The following NFKBIZ variants were observed in gnomAD, a reference collection of about 807,000 sequenced individuals.
NFKBIZ encodes the protein NF-kappa-B inhibitor zeta.
A neutral mutation model predicts 76.8 loss-of-function variants in NFKBIZ; 19 were observed. That is an observed-to-expected ratio of 0.25 (90% CI 0.17 to 0.36). The LOEUF (loss-of-function observed/expected upper bound fraction) is 0.36, where lower values mean the gene tolerates loss of function less well. Among genes scored for constraint, NFKBIZ ranks in the 10% least tolerant of loss-of-function variants. The probability of loss-of-function intolerance (pLI) is 1.00; values close to 1 mark genes in which losing one functional copy is unlikely to be tolerated. For synonymous variants in NFKBIZ, 368 were observed against 354.8 expected (o/e 1.04, Z -0.42); for missense variants, 829 against 910.9 (o/e 0.91, Z 1.16).
Position 101,853,368 on chromosome 3 carries a change from T to C in NFKBIZ, c.842T>C (p.Ile281Thr). The change falls in exon 5 of 12, where the codon ATA becomes ACA. Residue 281 changes from isoleucine (I) to threonine (T), a missense_variant. Coordinates refer to ENST00000326172, the MANE Select transcript of NFKBIZ (RefSeq NM_031419.4). Reference protein sequence around the residue: ...PFQVRGSQQMIDQASLYQYSP... With the variant: ...PFQVRGSQQMTDQASLYQYSP... ...CAAGTCAGGGGCTCCCAACAAATGA[T>C]AGACCAGGCTTCCCTGTACCAGTAT... The C allele has an allele frequency of 1.2e-6, 2 of 1,614,100 alleles. No homozygotes were observed. Among genetic ancestry groups the C allele is most frequent in the Non-Finnish European group, 1.7e-6 (2 of 1,180,028 alleles).
chr3:101,850,730 G>A (rs187047641), intron 1 of NFKBIZ, among the ~76,000 whole-genome samples: 3 of 152,252 alleles, frequency 2.0e-5, no homozygotes, highest in Admixed American at 2.0e-4. Flanking sequence ...TCTTTCCGGT[G>A]TTTCCCACTC....
At chr3:101,848,084 G>T (rs777889472), upstream of NFKBIZ, among the ~76,000 whole-genome samples, 1 of 152,136 alleles carries the variant, frequency 6.6e-6, no homozygotes, top group Non-Finnish European at 1.5e-5. Context: ...ATCTGCCCCA[G>T]TGCCCAGTCA....
chr3:101,838,045 G>C (rs961891588), intron 2 of NFKBIZ, among the ~76,000 whole-genome samples: 2 of 152,196 alleles, frequency 1.3e-5, no homozygotes, highest in African/African-American at 4.8e-5. Flanking sequence ...GCATACGTGT[G>C]AAAGTGCTCT....
intron 11 of NFKBIZ, chr3:101,858,144 G>C (rs186116092): frequency 2.9e-5 from 29 of 984,602 alleles, no homozygotes; most frequent in Non-Finnish European, 3.5e-5. Flanking sequence ...GGAGGAATGA[G>C]GGGGATTGTG....
At chr3:101,843,020 TAAAAAAAAAAA>T (rs35824432) in intron 2 of NFKBIZ, among the ~76,000 whole-genome samples, 3 of 66,436 alleles carry the variant, frequency 4.5e-5, no homozygotes, top group African/African-American at 1.6e-4. Flanking sequence ...CTGTATTTTC[TAAAAAAAAAAA>T]AAAAAAAAAA....
chr3:101,833,600 C>A (rs980141688), intron 2 of NFKBIZ, among the ~76,000 whole-genome samples: 30 of 152,124 alleles, frequency 2.0e-4, no homozygotes, highest in African/African-American at 7.2e-4. Flanking sequence ...GATCACTGGG[C>A]AAGGCTGCCA....
intron 11 of NFKBIZ, among the ~76,000 whole-genome samples, chr3:101,858,921 T>C (rs1943094564): frequency 6.6e-6 from 1 of 152,210 alleles, no homozygotes; most frequent in Non-Finnish European, 1.5e-5. Flanking sequence ...TCTGTTCCTG[T>C]TAGTTGAGGC....
At chr3:101,859,292 A>G (rs1943101394) in intron 11 of NFKBIZ, 26 bp from the exon 12 acceptor site, 17 of 1,606,504 alleles carry the variant, frequency 1.1e-5, no homozygotes, top group Non-Finnish European at 1.4e-5. Context: ...AATAAACCTC[A>G]CAAATTTTAT....
At position 101,855,169 on chromosome 3, in the gene NFKBIZ, G is replaced by T. The variant is rs772174404; in HGVS notation, c.1551G>T (p.Leu517=). 1 of 1,613,136 alleles carries T rather than the reference G, an allele frequency of 6.2e-7. No individual in the cohort carries two copies. The highest frequency in any genetic ancestry group is 1.1e-5 in the South Asian group (1 of 90,866). The part of the protein sequence containing the change: ...NTTDCWGRTP[L]HVCAEKGHSQ... Reference sequence around the variant, plus strand: ...CAGACTGCTGGGGAAGAACACCTCTGCATGTGTGTGCTGAGAAGGGCCACT... The same window carrying T: ...CAGACTGCTGGGGAAGAACACCTCTTCATGTGTGTGCTGAGAAGGGCCACT... The change falls in exon 7 of 12, where the codon CTG becomes CTT. Residue 517 remains leucine, a synonymous_variant. Transcript: ENST00000326172.
intron 2 of NFKBIZ, among the ~76,000 whole-genome samples, chr3:101,834,605 C>T (rs1942691257): frequency 6.6e-6 from 1 of 152,374 alleles, no homozygotes; most frequent in Admixed American, 6.5e-5. Flanking sequence ...AGGTGATCCA[C>T]CCGCCTCAGC....
Position 101,859,371 on chromosome 3 carries a change from G to C in NFKBIZ, c.2157G>C (p.Ter719TyrextTer3). ...KSIQQRAPPY[*>Y] ...TTCAGCAGAGAGCTCCACCGTATTA[G>C]CTCCATTAGCTTGGAGCCTGGCTAG... Residue 719 changes from the stop codon to tyrosine, a stop_lost, in exon 12 of 12, where the codon TAG becomes TAC. Transcript: ENST00000326172. The C allele has an allele frequency of 2.5e-6, 4 of 1,613,364 alleles. No homozygotes were observed. The highest frequency in any genetic ancestry group is 3.4e-6 in the Non-Finnish European group (4 of 1,179,380).
In NFKBIZ at chr3:101,849,790, C is replaced by G; in HGVS notation, c.162C>G (p.Val54=). The G allele has an allele frequency of 6.8e-7, 1 of 1,470,854 alleles. No individual in the cohort carries two copies. Among genetic ancestry groups the G allele is most frequent in the Non-Finnish European group, 8.9e-7 (1 of 1,118,558 alleles). The allele number at this position is 1,470,854 out of a possible 1,614,324, so 91.1% of individuals were successfully genotyped here. A position where few individuals can be genotyped will look rare whatever the true frequency, so the allele number is the denominator to read the frequency against. The change falls in exon 1 of 12, where the codon GTC becomes GTG. Residue 54 remains valine, a synonymous_variant. Coordinates refer to ENST00000326172, the MANE Select transcript of NFKBIZ (RefSeq NM_031419.4). Reference sequence around the variant, plus strand: ...GCGCCTGCGACGCCAGCTGCTCGGTCTTGGGCCCCTCGGCGCCCGGCTCGC... The same window carrying G: ...GCGCCTGCGACGCCAGCTGCTCGGTGTTGGGCCCCTCGGCGCCCGGCTCGC... ...APGACDASCS[V]LGPSAPGSPG...
intron 7 of NFKBIZ, 51 bp from the exon 8 acceptor site, chr3:101,855,344 G>C (rs762271057): frequency 1.3e-5 from 21 of 1,607,866 alleles, no homozygotes; most frequent in Non-Finnish European, 1.8e-5. Flanking sequence ...ATTCTAATAG[G>C]TATATGCGCA....
In NFKBIZ at chr3:101,853,756, C is replaced by T; in HGVS notation, c.1230C>T (p.Thr410=). 6.2e-7 allele frequency: 1 copy of T among 1,614,176 alleles called. No individual in the cohort carries two copies. The highest frequency in any genetic ancestry group is 8.5e-7 in the Non-Finnish European group (1 of 1,180,020). Residue 410 remains threonine, a synonymous_variant, in exon 5 of 12, where the codon ACC becomes ACT. Coordinates refer to ENST00000326172, the MANE Select transcript of NFKBIZ (RefSeq NM_031419.4). ...CAAACATGGGAAATCCAATGAACAC[C>T]ACACAGTTAGGGAAATCACTTTTTC... ...PFSNMGNPMN[T]TQLGKSLFQW...
At chr3:101,849,940 T>G in intron 1 of NFKBIZ, 23 bp downstream of exon 1, 1 of 1,369,266 alleles carries the variant, frequency 7.3e-7, no homozygotes, top group Non-Finnish European at 9.3e-7. Flanking sequence ...CCCGCACCGC[T>G]GCGTACTCGG....
intron 2 of NFKBIZ, among the ~76,000 whole-genome samples, chr3:101,830,159 C>T (rs1942629291): frequency 6.6e-6 from 1 of 152,130 alleles, no homozygotes; most frequent in Non-Finnish European, 1.5e-5. Flanking sequence ...AAGTAAAATA[C>T]CTTCCTTTCA....
chr3:101,855,860 C>T lies in NFKBIZ; in HGVS notation c.1782C>T (p.Thr594=), dbSNP rs542172786. 4 of 1,612,584 alleles carry T rather than the reference C, an allele frequency of 2.5e-6. No homozygotes were observed. In the Admixed American group the frequency reaches 5.0e-5, roughly 20 times the overall value. The part of the protein sequence containing the change: ...LLLKNKSLVD[T]IKCLIQMGAA... ...TGAAGAATAAGAGTCTGGTTGATACCATTAAGTGCCTAATTCAAATGGGAG... is the reference window on the plus strand; with the variant it reads ...TGAAGAATAAGAGTCTGGTTGATACTATTAAGTGCCTAATTCAAATGGGAG... The change falls in exon 9 of 12, where the codon ACC becomes ACT. Residue 594 remains threonine, a synonymous_variant. Coordinates refer to ENST00000326172, the MANE Select transcript of NFKBIZ (RefSeq NM_031419.4).
chr3:101,852,690 G>A (rs759343660), intron 2 of NFKBIZ, 48 bp from the exon 3 acceptor site: 1 of 1,342,552 alleles, frequency 7.4e-7, no homozygotes, highest in South Asian at 1.2e-5. Flanking sequence ...TGTATATTAA[G>A]AGGAAGTCAT....
rs138009014 is a variant in NFKBIZ, at chr3:101,857,862, A to G, written c.2103+403A>G. On this transcript the variant is annotated intron_variant, in intron 11 of 11. Coordinates refer to ENST00000326172, the MANE Select transcript of NFKBIZ (RefSeq NM_031419.4). ...AGTTGTTACATGTGGAGTGCTCACAATAGTCCCGGGTACAGAGTAAGAGAT... is the reference window on the plus strand; with the variant it reads ...AGTTGTTACATGTGGAGTGCTCACAGTAGTCCCGGGTACAGAGTAAGAGAT... 145 of 927,904 alleles carry G rather than the reference A, an allele frequency of 1.6e-4. No individual in the cohort carries two copies. The African/African-American group carries it at 1.8e-3, about 11-fold the overall frequency. 57.5% of individuals were successfully genotyped at this position (927,904 alleles called of 1,614,324 possible). A position where few individuals can be genotyped will look rare whatever the true frequency, so the allele number is the denominator to read the frequency against.
Sources: allele counts gnomAD v4.1 joint callset (sites outside exome capture counted in the v4.1 genomes callset), GRCh38; gene constraint gnomAD v4.1.1; transcripts MANE v1.5; gene names NCBI Gene and HGNC (gene_info 2026-07-23, HGNC 2026-07-21).